The following NBN variants were observed in gnomAD, a reference collection of about 807,000 sequenced individuals.
NBN encodes the protein Nijmegen breakage syndrome 1 (nibrin).
A neutral mutation model predicts 90.8 loss-of-function variants in NBN; 88 were observed. The ratio of observed to expected loss-of-function variants is 0.97; its 90% CI spans 0.82 to 1.16. The LOEUF is 1.16. NBN is among the 50% of genes most tolerant of loss of function. The probability of loss-of-function intolerance (pLI) is 0.00; values close to 1 mark genes in which losing one functional copy is unlikely to be tolerated. For missense variants in NBN, 894 were observed against 869.6 expected, an observed-to-expected ratio of 1.03 and a Z score of -0.35; for synonymous variants, 328 against 295.1, an observed-to-expected ratio of 1.11 and a Z score of -1.14.
At chr8:89,937,648 A>G (rs991586443) in intron 14 of NBN, among the ~76,000 whole-genome samples, 9 of 152,174 alleles carry the variant, frequency 5.9e-5, no homozygotes, top group African/African-American at 1.2e-4. Context: ...CCCTTATCAT[A>G]TGCAATTTGA....
intron 8 of NBN, among the ~76,000 whole-genome samples, chr8:89,960,680 C>G (rs1389259821): frequency 6.6e-6 from 1 of 151,912 alleles, no homozygotes; most frequent in African/African-American, 2.4e-5. Flanking sequence ...GCTAATGACC[C>G]AAAATAACTG....
chr8:89,938,563 C>G (rs1357245660), intron 14 of NBN, among the ~76,000 whole-genome samples: 3 of 151,920 alleles, frequency 2.0e-5, no homozygotes, highest in Non-Finnish European at 4.4e-5. Context: ...AATGAGGTAA[C>G]AGAGACTTAG....
chr8:89,980,617 A>G (rs1294725871), intron 4 of NBN, 117 bp downstream of exon 4: 1 of 834,366 alleles, frequency 1.2e-6, no homozygotes, highest in African/African-American at 1.7e-5. Context: ...GGTATATATA[A>G]ATCTACAACT....
intron 5 of NBN, among the ~76,000 whole-genome samples, chr8:89,975,636 T>C (rs1238392971): frequency 2.0e-5 from 3 of 152,250 alleles, no homozygotes; most frequent in African/African-American, 4.8e-5. Context: ...GGATGTTGTA[T>C]AGTCGTCATG....
chr8:89,936,278 T>A (rs1809679581), intron 15 of NBN, among the ~76,000 whole-genome samples: 1 of 152,046 alleles, frequency 6.6e-6, no homozygotes, highest in Non-Finnish European at 1.5e-5. Flanking sequence ...GGTTTCTCCA[T>A]GCTGGCCAGG....
intron 1 of NBN, chr8:89,984,263 G>A (rs751322534): frequency 3.5e-6 from 2 of 575,854 alleles, no homozygotes; most frequent in South Asian, 4.0e-5. Context: ...CTGGGAGGGA[G>A]GGGGAGTCAG....
chr8:89,967,605 G>A (rs1811315734), intron 7 of NBN, among the ~76,000 whole-genome samples: 1 of 152,080 alleles, frequency 6.6e-6, no homozygotes, highest in South Asian at 2.1e-4. Context: ...AAAAGCAGGA[G>A]GAAATAAAGA....
intron 5 of NBN, among the ~76,000 whole-genome samples, chr8:89,971,683 A>C (rs1229082105): frequency 1.3e-5 from 2 of 152,160 alleles, no homozygotes; most frequent in Non-Finnish European, 2.9e-5. Context: ...TATCTATTAA[A>C]ACGCTCATGT....
intron 1 of NBN, 174 bp from the exon 2 acceptor site, chr8:89,983,029 A>G: frequency 4.3e-6 from 1 of 233,474 alleles, no homozygotes; most frequent in Non-Finnish European, 7.0e-6. Flanking sequence ...TTTTCAGTAA[A>G]GCCTCACTGA....
chr8:89,962,432 T>C (rs1187553636), intron 8 of NBN, among the ~76,000 whole-genome samples: 1 of 152,154 alleles, frequency 6.6e-6, no homozygotes, highest in Admixed American at 6.6e-5. Flanking sequence ...CAGAAATCTA[T>C]CAACAAAATA....
At chr8:89,980,964 A>G in intron 3 of NBN, 71 bp from the exon 4 acceptor site, 1 of 1,364,240 alleles carries the variant, frequency 7.3e-7, no homozygotes, top group Non-Finnish European at 1.0e-6. Context: ...TAGTACTTTA[A>G]AACTTTAAGC....
At chr8:89,978,349 TATATATTCACA>T in intron 4 of NBN, 26 bp from the exon 5 acceptor site, 1 of 1,568,738 alleles carries the variant, frequency 6.4e-7, no homozygotes, top group South Asian at 1.1e-5. Context: ...CATGTGAATA[TATATATTCACA>T]TGCTAGCATT....
At chr8:89,976,590 C>A (rs1350074678) in intron 5 of NBN, among the ~76,000 whole-genome samples, 1 of 152,144 alleles carries the variant, frequency 6.6e-6, no homozygotes, top group Non-Finnish European at 1.5e-5. Context: ...GAATAAATGA[C>A]CACAGCAACA....
In NBN at chr8:89,983,992, C is replaced by A. The variant is rs114266129; in HGVS notation, c.37+533G>T. Among the ~76,000 whole-genome samples, 85 of 152,318 alleles carry A rather than the reference C, an allele frequency of 5.6e-4. 1 individual carries two copies. The South Asian group carries it at 0.017, about 30-fold the overall frequency. On this transcript the variant is annotated intron_variant, in intron 1 of 15. Transcript: ENST00000265433. ...CCAATTAACATGTGATCACATTTCACACCGCTGGAAATGAATGGGAAAAAA... is the reference window on the plus strand; with the variant it reads ...CCAATTAACATGTGATCACATTTCAAACCGCTGGAAATGAATGGGAAAAAA...
At chr8:89,980,300 A>G (rs1268426974) in intron 4 of NBN, among the ~76,000 whole-genome samples, 1 of 152,216 alleles carries the variant, frequency 6.6e-6, no homozygotes, top group Non-Finnish European at 1.5e-5. Flanking sequence ...AGGATCCCAC[A>G]AATCTATAGG....
chr8:89,953,106 C>T (rs1383049878), intron 11 of NBN, 138 bp downstream of exon 11: 1 of 655,482 alleles, frequency 1.5e-6, no homozygotes, highest in Non-Finnish European at 2.7e-6. Context: ...TACCATTTAC[C>T]TTATCAACCA....
In NBN at chr8:89,984,450, G is replaced by A. The variant is rs569651413; in HGVS notation, c.37+75C>T. 53 of 1,401,314 alleles carry A rather than the reference G, an allele frequency of 3.8e-5. No individual in the cohort carries two copies. In the South Asian group the frequency reaches 5.7e-4, roughly 15 times the overall value. 86.8% of individuals were successfully genotyped at this position (1,401,314 alleles called of 1,614,324 possible). ...CCGGGCAGGAACGGACGCGACGCAG[G>A]AATCACCCGCAGGCCCTCCCCCGAG... On this transcript the variant is annotated intron_variant, in intron 1 of 15. Transcript: ENST00000265433.
chr8:89,952,971 C>A (rs1563524282), intron 11 of NBN, among the ~76,000 whole-genome samples: 1 of 152,160 alleles, frequency 6.6e-6, no homozygotes, highest in East Asian at 1.9e-4. Context: ...CACTTATCAT[C>A]ATAGCCAAAT....
chr8:89,962,383 T>C (rs1359559895), intron 8 of NBN, among the ~76,000 whole-genome samples: 1 of 152,158 alleles, frequency 6.6e-6, no homozygotes, highest in Non-Finnish European at 1.5e-5. Context: ...GTAATTAAAG[T>C]CTAAAATTAC....
Sources: gnomAD v4.1 joint callset for allele counts (sites outside exome capture counted in the v4.1 genomes callset) on GRCh38, gnomAD v4.1.1 for gene constraint, MANE v1.5 for transcripts, NCBI Gene and HGNC (gene_info 2026-07-23, HGNC 2026-07-21) for gene names.